CFAP107: variants seen among roughly 807,000 people sequenced by gnomAD.
CFAP107 encodes the protein cilia and flagella associated protein 107.
chr1:12,762,153 AGGCCACCTACCTTAG>A, the CFAP107 span: 1 of 152,196 alleles, frequency 6.6e-6, no homozygotes, highest in Non-Finnish European at 1.5e-5. Flanking sequence ...TGCTGGCCTC[AGGCCACCTACCTTAG>A]GGTCACTTTG....
chr1:12,748,012 T>C, the CFAP107 span, among the ~76,000 whole-genome samples: 1 of 152,150 alleles, frequency 6.6e-6, no homozygotes, highest in Non-Finnish European at 1.5e-5. Context: ...AAATGCCCAA[T>C]CAAGAAAAAG....
chr1:12,754,320 T>G, the CFAP107 span, among the ~76,000 whole-genome samples: 3 of 152,178 alleles, frequency 2.0e-5, no homozygotes, highest in East Asian at 5.8e-4. Flanking sequence ...AAAATTACAA[T>G]GAGATACCAC....
chr1:12,757,208 C>G, the CFAP107 span, among the ~76,000 whole-genome samples: 1 of 152,094 alleles, frequency 6.6e-6, no homozygotes, highest in African/African-American at 2.4e-5. Flanking sequence ...GCCTTTGGAC[C>G]CATTACAAGC....
the CFAP107 span, among the ~76,000 whole-genome samples, chr1:12,757,486 A>G: frequency 2.6e-5 from 4 of 151,512 alleles, no homozygotes; most frequent in Non-Finnish European, 4.4e-5. Flanking sequence ...GGTTGGAACA[A>G]TTCTCCTTGC....
the CFAP107 span, among the ~76,000 whole-genome samples, chr1:12,756,459 G>A: frequency 2.2e-4 from 33 of 152,216 alleles, no homozygotes; most frequent in Non-Finnish European, 4.0e-4. Context: ...GAACAGCAGG[G>A]AAAGCCGTCT....
the CFAP107 span, among the ~76,000 whole-genome samples, chr1:12,751,455 C>T: frequency 3.9e-5 from 6 of 151,992 alleles, no homozygotes; most frequent in Admixed American, 6.6e-5. Context: ...GGCGAAATCC[C>T]GTCTCTACCA....
At chr1:12,749,208 C>A in the CFAP107 span, among the ~76,000 whole-genome samples, 2 of 152,118 alleles carry the variant, frequency 1.3e-5, no homozygotes, top group Non-Finnish European at 2.9e-5. Context: ...TCTAAAGAGA[C>A]CCTCATTGAA....
the CFAP107 span, among the ~76,000 whole-genome samples, chr1:12,758,864 A>G: frequency 5.3e-5 from 8 of 152,188 alleles, no homozygotes; most frequent in Non-Finnish European, 1.0e-4. Flanking sequence ...TTCCCACAGT[A>G]ACAGACTGAA....
At chr1:12,746,406 A>C in the CFAP107 span, 1 of 1,595,082 alleles carries the variant, frequency 6.3e-7, no homozygotes. Flanking sequence ...CATCAAGTCA[A>C]AGAAACCTGG....
the CFAP107 span, among the ~76,000 whole-genome samples, chr1:12,760,116 A>G: frequency 6.6e-6 from 1 of 152,030 alleles, no homozygotes; most frequent in Non-Finnish European, 1.5e-5. Flanking sequence ...GAGGGGGAGG[A>G]CATTCCAGAG....
At chr1:12,753,131 A>G in the CFAP107 span, among the ~76,000 whole-genome samples, 3 of 152,222 alleles carry the variant, frequency 2.0e-5, no homozygotes, top group African/African-American at 7.2e-5. Flanking sequence ...ACATCAAAAA[A>G]TAAAGTATTT....
the CFAP107 span, among the ~76,000 whole-genome samples, chr1:12,749,857 A>G: frequency 1.3e-5 from 2 of 152,196 alleles, no homozygotes; most frequent in East Asian, 1.9e-4. Flanking sequence ...GACTAAAGAG[A>G]ATCCTTCAAG....
the CFAP107 span, among the ~76,000 whole-genome samples, chr1:12,751,866 T>C: frequency 6.6e-6 from 1 of 152,058 alleles, no homozygotes; most frequent in African/African-American, 2.4e-5. Flanking sequence ...CTCCATGAAA[T>C]GGAGAAATTC....
the CFAP107 span, among the ~76,000 whole-genome samples, chr1:12,752,620 GA>G: frequency 7.3e-6 from 1 of 136,172 alleles, no homozygotes; most frequent in African/African-American, 2.7e-5. Context: ...TAGAATGAAG[GA>G]AAAAAAGACA....
At chr1:12,749,608 C>T in the CFAP107 span, among the ~76,000 whole-genome samples, 1 of 151,780 alleles carries the variant, frequency 6.6e-6, no homozygotes, top group African/African-American at 2.4e-5. Flanking sequence ...GAGAGTGAGG[C>T]CCTGTCTTAA....
the CFAP107 span, among the ~76,000 whole-genome samples, chr1:12,748,706 A>C: frequency 6.6e-6 from 1 of 152,140 alleles, no homozygotes; most frequent in East Asian, 1.9e-4. Context: ...AAAGTGGCCC[A>C]TCCAAAGGAA....
chr1:12,758,569 T>C, the CFAP107 span, among the ~76,000 whole-genome samples: 1 of 152,102 alleles, frequency 6.6e-6, no homozygotes, highest in Non-Finnish European at 1.5e-5. Flanking sequence ...TTCCAGACCA[T>C]AGCAGACACA....
At chr1:12,760,779 C>T in the CFAP107 span, 3 of 1,613,188 alleles carry the variant, frequency 1.9e-6, no homozygotes, top group Non-Finnish European at 2.5e-6. Flanking sequence ...GCTCCCCCTA[C>T]AAACTATGGA....
chr1:12,749,607 G>A, the CFAP107 span, among the ~76,000 whole-genome samples: 1 of 151,802 alleles, frequency 6.6e-6, no homozygotes, highest in East Asian at 1.9e-4. Flanking sequence ...TGAGAGTGAG[G>A]CCCTGTCTTA....
Sources: allele counts gnomAD v4.1 joint callset (sites outside exome capture counted in the v4.1 genomes callset), GRCh38; gene constraint gnomAD v4.1.1; transcripts MANE v1.5; gene names NCBI Gene and HGNC (gene_info 2026-07-23, HGNC 2026-07-21).